The following VWC2L variants were observed in gnomAD, a reference collection of about 807,000 sequenced individuals.
VWC2L encodes the protein von Willebrand factor C domain-containing protein 2-like.
In VWC2L, 10 loss-of-function variants were observed where a neutral mutation model predicts 21.6. That is an observed-to-expected ratio of 0.46 (90% CI 0.29 to 0.78). The LOEUF is 0.78. VWC2L is among the 30% of genes least tolerant of loss of function. The pLI, the probability that VWC2L is intolerant of heterozygous loss-of-function variation, is 0.10. For synonymous variants in VWC2L, 96 were observed against 94.3 expected (o/e 1.02, Z -0.10); for missense variants, 209 against 277.1 (o/e 0.75, Z 1.74).
intron 3 of VWC2L, among the ~76,000 whole-genome samples, chr2:214,489,868 T>C (rs565432177): frequency 9.8e-5 from 15 of 152,300 alleles, no homozygotes; most frequent in Non-Finnish European, 1.9e-4. Flanking sequence ...ACCTTGGCCG[T>C]GTCCAGCACT....
intron 3 of VWC2L, among the ~76,000 whole-genome samples, chr2:214,506,067 A>G (rs1429564472): frequency 6.6e-6 from 1 of 152,228 alleles, no homozygotes; most frequent in Non-Finnish European, 1.5e-5. Flanking sequence ...TATCAACAAC[A>G]ACAAGGTCTC....
At chr2:214,534,067 C>T (rs1689485406) in intron 3 of VWC2L, 1 of 152,510 alleles carries the variant, frequency 6.6e-6, no homozygotes, top group South Asian at 2.1e-4. Context: ...GGCCAGGCCC[C>T]AGAAAAGTTT....
At chr2:214,424,604 T>C (rs1468544970) in intron 2 of VWC2L, among the ~76,000 whole-genome samples, 1 of 152,192 alleles carries the variant, frequency 6.6e-6, no homozygotes, top group Non-Finnish European at 1.5e-5. Context: ...ACGATTACTA[T>C]TAATACTAAA....
At chr2:214,459,621 A>C (rs540794567) in intron 3 of VWC2L, among the ~76,000 whole-genome samples, 1 of 152,208 alleles carries the variant, frequency 6.6e-6, no homozygotes, top group African/African-American at 2.4e-5. Flanking sequence ...GTAGGACTCT[A>C]GGACTCTCTT....
intron 3 of VWC2L, among the ~76,000 whole-genome samples, chr2:214,477,552 A>T (rs965924820): frequency 2.0e-5 from 3 of 152,266 alleles, no homozygotes; most frequent in Non-Finnish European, 4.4e-5. Flanking sequence ...CAAAAATGAC[A>T]GCAGTTTGGG....
intron 3 of VWC2L, among the ~76,000 whole-genome samples, chr2:214,536,583 GA>G (rs772334690): frequency 3.9e-5 from 6 of 151,974 alleles, no homozygotes; most frequent in Non-Finnish European, 5.9e-5. Context: ...GCTTTTTGTG[GA>G]AAAACAGACT....
intron 3 of VWC2L, among the ~76,000 whole-genome samples, chr2:214,534,925 G>T (rs1689502371): frequency 6.6e-6 from 1 of 152,062 alleles, no homozygotes; most frequent in South Asian, 2.1e-4. Flanking sequence ...AAATAACCTT[G>T]AATTGTTTTC....
chr2:214,569,310 G>T (rs1018567770), intron 3 of VWC2L, among the ~76,000 whole-genome samples: 1 of 151,888 alleles, frequency 6.6e-6, no homozygotes, highest in Non-Finnish European at 1.5e-5. Flanking sequence ...ATCAATGTCT[G>T]TATTTCATGG....
At chr2:214,415,297 A>G (rs762640984) in intron 2 of VWC2L, 1 of 152,114 alleles carries the variant, frequency 6.6e-6, no homozygotes, top group African/African-American at 2.4e-5. Context: ...CCCTTATTGA[A>G]CTTTCTTTTC....
chr2:214,522,879 A>AC (rs142252186), intron 3 of VWC2L, among the ~76,000 whole-genome samples: 4,116 of 152,286 alleles, frequency 0.027, 181 homozygotes, highest in African/African-American at 0.092. Context: ...AATACACAGA[A>AC]CAATACGGAA....
At chr2:214,550,435 C>T (rs1045383119) in intron 3 of VWC2L, among the ~76,000 whole-genome samples, 4 of 152,186 alleles carry the variant, frequency 2.6e-5, no homozygotes, top group Admixed American at 6.5e-5. Context: ...GTATCCAACA[C>T]TTATTACCAA....
At chr2:214,453,282 T>TA (rs1559295316) in intron 3 of VWC2L, among the ~76,000 whole-genome samples, 2 of 152,068 alleles carry the variant, frequency 1.3e-5, no homozygotes, top group African/African-American at 2.4e-5. Flanking sequence ...GGTTTTTTTT[T>TA]AAATATGAAT....
intron 3 of VWC2L, among the ~76,000 whole-genome samples, chr2:214,542,188 T>C (rs908509912): frequency 4.6e-5 from 7 of 152,152 alleles, no homozygotes; most frequent in African/African-American, 1.7e-4. Context: ...CAGTAAAATT[T>C]TGGGAAAACA....
At chr2:214,550,413 T>C (rs1689775129) in intron 3 of VWC2L, among the ~76,000 whole-genome samples, 1 of 152,238 alleles carries the variant, frequency 6.6e-6, no homozygotes, top group Non-Finnish European at 1.5e-5. Flanking sequence ...TATTCATTCT[T>C]TTATTTCTAA....
chr2:214,509,015 G>A (rs532627135), intron 3 of VWC2L, among the ~76,000 whole-genome samples: 3 of 151,822 alleles, frequency 2.0e-5, no homozygotes, highest in Non-Finnish European at 2.9e-5. Context: ...GGGCAGAGCA[G>A]ACCACAGAAT....
chr2:214,454,630 G>T (rs1703028422), intron 3 of VWC2L, among the ~76,000 whole-genome samples: 1 of 117,900 alleles, frequency 8.5e-6, no homozygotes. Context: ...TTGAGATGGA[G>T]TCTCACTCTG....
At chr2:214,539,336 G>T (rs750181279) in intron 3 of VWC2L, among the ~76,000 whole-genome samples, 5 of 152,104 alleles carry the variant, frequency 3.3e-5, no homozygotes, top group South Asian at 2.1e-4. Context: ...CACTTTTCAC[G>T]ATTTCATTCC....
At chr2:214,439,295 A>G (rs1361528256) in intron 3 of VWC2L, among the ~76,000 whole-genome samples, 1 of 152,018 alleles carries the variant, frequency 6.6e-6, no homozygotes, top group Non-Finnish European at 1.5e-5. Context: ...TTATGACAGT[A>G]TAACTGGAAT....
At chr2:214,507,499 A>G (rs972362359) in intron 3 of VWC2L, among the ~76,000 whole-genome samples, 1 of 152,318 alleles carries the variant, frequency 6.6e-6, no homozygotes, top group Middle Eastern at 3.4e-3. Flanking sequence ...AGCTACAGGG[A>G]AAGTTGCCAG....
Sources: gnomAD v4.1 joint callset for allele counts (sites outside exome capture counted in the v4.1 genomes callset) on GRCh38, gnomAD v4.1.1 for gene constraint, MANE v1.5 for transcripts, NCBI Gene and HGNC (gene_info 2026-07-23, HGNC 2026-07-21) for gene names.